Variants in DERL1 observed in about 807,000 individuals in gnomAD.
DERL1 encodes derlin 1, also known as derlin-1.
In DERL1, 24 loss-of-function variants were observed where a neutral mutation model predicts 41.6. The observed-to-expected ratio is 0.58, with a 90% confidence interval of 0.42 to 0.81. DERL1 has a LOEUF of 0.81. Ranked by LOEUF, DERL1 falls within the 30% of genes least tolerant of loss-of-function variation. DERL1 has a pLI of 0.00. For synonymous variants in DERL1, 124 were observed against 112.5 expected (o/e 1.10, Z -0.65); for missense variants, 260 against 314.3 (o/e 0.83, Z 1.31).
In DERL1 at chr8:123,015,336, A is replaced by G; in HGVS notation, c.*111T>C. On this transcript the variant is annotated 3_prime_UTR_variant, in exon 8 of 8. Transcript: ENST00000259512. ...AAACTTTGTCTCGTACTGAAAGACTACATTCAGTGTGGGTCAGGTCCAACA... is the reference window on the plus strand; with the variant it reads ...AAACTTTGTCTCGTACTGAAAGACTGCATTCAGTGTGGGTCAGGTCCAACA... 7.6e-7 allele frequency: 1 copy of G among 1,318,828 alleles called. No homozygotes were observed. Among genetic ancestry groups the G allele is most frequent in the South Asian group, 1.7e-5 (1 of 57,636 alleles). The allele number at this position is 1,318,828 out of a possible 1,614,324, so 81.7% of individuals were successfully genotyped here.
chr8:123,022,747 A>T lies in DERL1; in HGVS notation c.390T>A (p.Leu130=), dbSNP rs545578616. Residue 130 remains leucine (L), a synonymous_variant, in exon 5 of 8, where the codon CTT becomes CTA. Transcript: ENST00000259512. ...CTCTGTTCAGCTGGGCCCAGACATA[A>T]AGTACTGACATGATCAGAGGAATCA... The part of the protein sequence containing the change: ...LLMIPLIMSV[L]YVWAQLNRDM... The T allele has an allele frequency of 3.7e-6, 6 of 1,614,154 alleles. No homozygotes were observed. The highest frequency in any genetic ancestry group is 1.6e-4 in the Middle Eastern group (1 of 6,062).
intron 1 of DERL1, among the ~76,000 whole-genome samples, chr8:123,039,989 G>A (rs896774187): frequency 4.6e-5 from 7 of 152,190 alleles, no homozygotes; most frequent in African/African-American, 7.2e-5. Context: ...AGGCTGAGGC[G>A]GGTGGATCAC....
chr8:123,029,351 T>C (rs765236047), intron 2 of DERL1, among the ~76,000 whole-genome samples: 5 of 151,950 alleles, frequency 3.3e-5, no homozygotes, highest in African/African-American at 4.9e-5. Context: ...TAATAGTCTA[T>C]GACCTTACAC....
chr8:123,024,718 C>A (rs1478909141), intron 3 of DERL1, among the ~76,000 whole-genome samples: 3 of 152,048 alleles, frequency 2.0e-5, no homozygotes, highest in African/African-American at 7.2e-5. Flanking sequence ...CATGAGAACA[C>A]AGAGAACTGG....
intron 1 of DERL1, among the ~76,000 whole-genome samples, chr8:123,034,001 T>TTCC (rs1812870883): frequency 6.6e-6 from 1 of 152,176 alleles, no homozygotes; most frequent in Non-Finnish European, 1.5e-5. Context: ...GGCCCCTGAA[T>TTCC]TCCTCAGAGT....
chr8:123,027,313 AAAAAAAT>A (rs1812721336), intron 2 of DERL1, among the ~76,000 whole-genome samples: 1 of 146,732 alleles, frequency 6.8e-6, no homozygotes, highest in Non-Finnish European at 1.5e-5. Flanking sequence ...AAAAAAAAAA[AAAAAAAT>A]TTAGTGGTCT....
intron 2 of DERL1, chr8:123,030,099 C>A (rs1171454091): frequency 6.6e-6 from 1 of 152,130 alleles, no homozygotes. Flanking sequence ...TACATTGGTA[C>A]TCATACCTGA....
chr8:123,021,077 T>C (rs1814752505), intron 6 of DERL1, among the ~76,000 whole-genome samples: 1 of 152,014 alleles, frequency 6.6e-6, no homozygotes, highest in African/African-American at 2.4e-5. Context: ...ATTCTGGAAA[T>C]GCCTTAAGAA....
chr8:123,022,606 C>T (rs2130465374), intron 5 of DERL1, 78 bp downstream of exon 5: 1 of 1,425,782 alleles, frequency 7.0e-7, no homozygotes, highest in East Asian at 2.3e-5. Context: ...CTGGATGAGT[C>T]AGAAAGTACA....
intron 2 of DERL1, chr8:123,030,111 A>G (rs1390355515): frequency 6.6e-6 from 1 of 152,224 alleles, no homozygotes; most frequent in Non-Finnish European, 1.5e-5. Context: ...CATACCTGAT[A>G]AACTACCATA....
At chr8:123,038,948 C>T (rs999047491) in intron 1 of DERL1, among the ~76,000 whole-genome samples, 2 of 152,226 alleles carry the variant, frequency 1.3e-5, no homozygotes, top group Non-Finnish European at 2.9e-5. Context: ...AAACCTAACT[C>T]TTCATCCATA....
At position 123,014,207 on chromosome 8, in the gene DERL1, C is replaced by T. The variant is rs1045927885; in HGVS notation, c.*1240G>A. 14 of 152,358 alleles carry T rather than the reference C, an allele frequency of 9.2e-5. No homozygotes were observed. Among genetic ancestry groups the T allele is most frequent in the South Asian group, 2.1e-4 (1 of 4,816 alleles). The allele number at this position is 152,358 out of a possible 1,614,324, so 9.4% of individuals were successfully genotyped here. On this transcript the variant is annotated 3_prime_UTR_variant, in exon 8 of 8. Coordinates refer to ENST00000259512, the MANE Select transcript of DERL1 (RefSeq NM_024295.6). Reference sequence around the variant, plus strand: ...AGCTCTGATAGGAAAAGCCCACCTACGAAAAAAAGGTGTGGGTATTTAAGC... The same window carrying T: ...AGCTCTGATAGGAAAAGCCCACCTATGAAAAAAAGGTGTGGGTATTTAAGC...
At chr8:123,016,772 T>G (rs1285320742) in intron 7 of DERL1, 1 of 152,240 alleles carries the variant, frequency 6.6e-6, no homozygotes, top group Non-Finnish European at 1.5e-5. Flanking sequence ...AGTCAGTGAC[T>G]GGAGTCTGTT....
chr8:123,021,800 T>G (rs565526680), intron 5 of DERL1, among the ~76,000 whole-genome samples: 204 of 152,248 alleles, frequency 1.3e-3, no homozygotes, highest in African/African-American at 4.7e-3. Context: ...AGCAGATGAG[T>G]GTCCTACAGA....
At chr8:123,034,162 G>C (rs369164285) in intron 1 of DERL1, among the ~76,000 whole-genome samples, 1 of 152,192 alleles carries the variant, frequency 6.6e-6, no homozygotes, top group Non-Finnish European at 1.5e-5. Flanking sequence ...CGTCAGTCAC[G>C]GGGACTGGCC....
chr8:123,034,483 A>T (rs896109934), intron 1 of DERL1, among the ~76,000 whole-genome samples: 1 of 152,152 alleles, frequency 6.6e-6, no homozygotes, highest in Non-Finnish European at 1.5e-5. Context: ...CAATAAATTA[A>T]TGTGCTACTC....
Position 123,015,430 on chromosome 8 carries a change from TGCCCGAGGCC to T in DERL1, c.*7_*16del. ...GGAAATGTGGCTTGAGAGGAGCGGC[TGCCCGAGGCC>T]GCCCCTTCACTGGTCTCCAAGTCGA... On this transcript the variant is annotated 3_prime_UTR_variant, in exon 8 of 8. Coordinates refer to ENST00000259512, the MANE Select transcript of DERL1 (RefSeq NM_024295.6). 6.2e-7 allele frequency: 1 copy of T among 1,610,348 alleles called. No individual in the cohort carries two copies. The highest frequency in any genetic ancestry group is 1.3e-5 in the African/African-American group (1 of 75,008).
rs113221820 is a variant in DERL1, at chr8:123,031,222, A to G, written c.154-506T>C. ...TTTTTCTTTAAAAACATTTCCCTGA[A>G]AAAACAAACAAAACATAAGAAGGGT... is the stretch of plus-strand genomic sequence containing the variant. On this transcript the variant is annotated intron_variant, in intron 1 of 7. Transcript: ENST00000259512. Among the ~76,000 whole-genome samples, 204 of 152,310 alleles carry G rather than the reference A, an allele frequency of 1.3e-3. 1 individual carries two copies. The highest frequency in any genetic ancestry group is 4.4e-3 in the African/African-American group (184 of 41,558).
chr8:123,024,620 T>C (rs1189636717), intron 3 of DERL1, among the ~76,000 whole-genome samples: 1 of 152,190 alleles, frequency 6.6e-6, no homozygotes, highest in Non-Finnish European at 1.5e-5. Context: ...ATGCTGGTTG[T>C]AAATTAATTT....
Sources: gnomAD v4.1 joint callset for allele counts (sites outside exome capture counted in the v4.1 genomes callset) on GRCh38, gnomAD v4.1.1 for gene constraint, MANE v1.5 for transcripts, NCBI Gene and HGNC (gene_info 2026-07-23, HGNC 2026-07-21) for gene names.